TXNDC16: variants seen among roughly 807,000 people sequenced by gnomAD.
The protein encoded by TXNDC16 is thioredoxin domain-containing protein 16.
TXNDC16 carries 74 observed loss-of-function variants against 85.6 expected under a neutral mutation model. The observed-to-expected ratio is 0.86, with a 90% CI of 0.72 to 1.05. The LOEUF is 1.05. TXNDC16 is among the 50% of genes least tolerant of loss of function. The pLI is 0.00. For missense variants in TXNDC16, 959 were observed against 947.0 expected (o/e 1.01, Z -0.17); for synonymous variants, 335 against 326.5 (o/e 1.03, Z -0.28).
chr14:52,455,640 G>A (rs1427742340), intron 17 of TXNDC16, among the ~76,000 whole-genome samples, 178 bp from the exon 18 acceptor site: 3 of 152,070 alleles, frequency 2.0e-5, no homozygotes, highest in Admixed American at 2.0e-4. Context: ...TTAAAAGAAA[G>A]AAACAGGTAA....
intron 6 of TXNDC16, among the ~76,000 whole-genome samples, chr14:52,521,247 G>C (rs1048061836): frequency 6.6e-6 from 1 of 151,026 alleles, no homozygotes; most frequent in Non-Finnish European, 1.5e-5. Context: ...CGAGTGGCTG[G>C]GACTACAGGC....
chr14:52,522,132 C>A (rs1345847444), intron 6 of TXNDC16, among the ~76,000 whole-genome samples: 1 of 152,126 alleles, frequency 6.6e-6, no homozygotes, highest in Non-Finnish European at 1.5e-5. Flanking sequence ...ATTGGACTAC[C>A]ATGTAAATTC....
chr14:52,515,735 A>G (rs1024962136), intron 7 of TXNDC16, among the ~76,000 whole-genome samples: 1 of 150,434 alleles, frequency 6.6e-6, no homozygotes, highest in East Asian at 1.9e-4. Flanking sequence ...AATATATATA[A>G]TAAGAGTTTT....
chr14:52,529,443 GCACATGTA>G (rs1003065395), intron 6 of TXNDC16, among the ~76,000 whole-genome samples: 10 of 148,672 alleles, frequency 6.7e-5, no homozygotes, highest in Admixed American at 6.8e-5. Context: ...TGCACGTTGT[GCACATGTA>G]CCCTAAAACT....
Position 52,455,463 on chromosome 14 carries a change from CTA to C in TXNDC16, c.1704-3_1704-2del. 6.2e-7 allele frequency: 1 copy of C among 1,613,408 alleles called. No homozygotes were observed. The highest frequency in any genetic ancestry group is 1.1e-5 in the South Asian group (1 of 90,926). Reference sequence around the variant, plus strand: ...AAGACTTGCAGCATATTTGGTTGACCTATGGAGAAAGGCAGTATTAAAATTCA... The same window carrying C: ...AAGACTTGCAGCATATTTGGTTGACCTGGAGAAAGGCAGTATTAAAATTCA... On this transcript the variant is annotated splice_acceptor_variant and splice_polypyrimidine_tract_variant and intron_variant, in intron 17 of 20. Coordinates refer to ENST00000281741, the MANE Select transcript of TXNDC16 (RefSeq NM_020784.3). LOFTEE classifies it high-confidence loss of function.
chr14:52,494,502 T>C (rs980999343), intron 9 of TXNDC16, among the ~76,000 whole-genome samples: 1 of 152,026 alleles, frequency 6.6e-6, no homozygotes, highest in African/African-American at 2.4e-5. Flanking sequence ...GCCAAAAACC[T>C]AGATGAGTGA....
intron 6 of TXNDC16, among the ~76,000 whole-genome samples, chr14:52,535,597 C>A (rs2037681483): frequency 6.6e-6 from 1 of 152,080 alleles, no homozygotes; most frequent in South Asian, 2.1e-4. Flanking sequence ...TCCATGTAAA[C>A]CTGTGTCCTT....
At chr14:52,481,356 A>C (rs1566550940) in intron 14 of TXNDC16, among the ~76,000 whole-genome samples, 1 of 152,108 alleles carries the variant, frequency 6.6e-6, no homozygotes, top group Non-Finnish European at 1.5e-5. Context: ...AAATAAAAAA[A>C]AATTTTAAAA....
At chr14:52,518,284 A>G (rs2037131753) in intron 7 of TXNDC16, among the ~76,000 whole-genome samples, 2 of 152,214 alleles carry the variant, frequency 1.3e-5, no homozygotes, top group African/African-American at 4.8e-5. Context: ...CCAACATGAA[A>G]TGCAGTCTAG....
chr14:52,434,841 A>C (rs1000874546), intron 20 of TXNDC16, among the ~76,000 whole-genome samples: 2 of 152,232 alleles, frequency 1.3e-5, no homozygotes, highest in African/African-American at 4.8e-5. Flanking sequence ...CTACAGGATT[A>C]ATTTAAGAAT....
At chr14:52,548,826 G>A (rs979911466) in intron 1 of TXNDC16, among the ~76,000 whole-genome samples, 21 of 150,818 alleles carry the variant, frequency 1.4e-4, no homozygotes, top group African/African-American at 4.9e-4. Context: ...AGGTTGCAGT[G>A]AGCCGAGATC....
chr14:52,476,530 A>T (rs1370745829), intron 14 of TXNDC16, among the ~76,000 whole-genome samples: 1 of 152,152 alleles, frequency 6.6e-6, no homozygotes, highest in Non-Finnish European at 1.5e-5. Context: ...GCACTTATAG[A>T]AATGCAAAAT....
chr14:52,487,451 T>C (rs1418664365), intron 12 of TXNDC16, among the ~76,000 whole-genome samples: 1 of 152,196 alleles, frequency 6.6e-6, no homozygotes, highest in Non-Finnish European at 1.5e-5. Flanking sequence ...ATATATGTTA[T>C]ACAAAAATGA....
intron 9 of TXNDC16, among the ~76,000 whole-genome samples, chr14:52,502,934 G>C (rs545201222): frequency 1.5e-3 from 234 of 152,268 alleles, no homozygotes; most frequent in African/African-American, 5.6e-3. Context: ...TATATCCCGC[G>C]CTTGAGGGCT....
intron 5 of TXNDC16, among the ~76,000 whole-genome samples, chr14:52,537,035 A>G (rs1330112425): frequency 6.6e-6 from 1 of 150,966 alleles, no homozygotes; most frequent in Non-Finnish European, 1.5e-5. Flanking sequence ...ATAGGAGTCC[A>G]AACAAGGATT....
Position 52,431,081 on chromosome 14 carries a change from G to C in TXNDC16, c.*1223C>G, listed in dbSNP as rs1402483499. The C allele has an allele frequency of 6.6e-6, 1 of 152,170 alleles. No homozygotes were observed. The highest frequency in any genetic ancestry group is 1.5e-5 in the Non-Finnish European group (1 of 68,026). 9.4% of individuals were successfully genotyped at this position (152,170 alleles called of 1,614,324 possible). ...CAACAAATGTCTCAAAAAATGCACA[G>C]AGCAAAAATGAGACAAACAACTGCT... On this transcript the variant is annotated 3_prime_UTR_variant, in exon 21 of 21. Coordinates refer to ENST00000281741, the MANE Select transcript of TXNDC16 (RefSeq NM_020784.3).
At chr14:52,487,188 C>G (rs572324680) in intron 12 of TXNDC16, among the ~76,000 whole-genome samples, 3 of 152,162 alleles carry the variant, frequency 2.0e-5, no homozygotes, top group Non-Finnish European at 4.4e-5. Context: ...GACCAGAACA[C>G]AGGTCTGCTT....
Position 52,488,496 on chromosome 14 carries a change from C to T in TXNDC16, c.985-10G>A, listed in dbSNP as rs377322157. ...ATTCCACTGGAACTCCCTAGAAATA[C>T]ATTAATTTTTAAAAAATGAATATAG... On this transcript the variant is annotated splice_polypyrimidine_tract_variant and intron_variant, in intron 11 of 20. Transcript: ENST00000281741. 1.3e-6 allele frequency: 2 copies of T among 1,576,496 alleles called. No homozygotes were observed. Among genetic ancestry groups the T allele is most frequent in the African/African-American group, 1.4e-5 (1 of 73,214 alleles).
chr14:52,480,320 G>A (rs948025166), intron 14 of TXNDC16, among the ~76,000 whole-genome samples: 10 of 152,074 alleles, frequency 6.6e-5, no homozygotes, highest in Admixed American at 6.6e-5. Flanking sequence ...ATAAATAGCT[G>A]AGACTTAATT....
Sources: gnomAD v4.1 joint callset for allele counts (sites outside exome capture counted in the v4.1 genomes callset) on GRCh38, gnomAD v4.1.1 for gene constraint, MANE v1.5 for transcripts, NCBI Gene and HGNC (gene_info 2026-07-23, HGNC 2026-07-21) for gene names.